Variants in RGS22 observed in about 807,000 individuals in gnomAD.
RGS22 encodes the protein regulator of G-protein signaling 22.
A neutral mutation model predicts 172.9 loss-of-function variants in RGS22; 148 were observed. The ratio of observed to expected loss-of-function variants is 0.86; its 90% CI spans 0.75 to 0.98. The LOEUF is 0.98. RGS22 is among the 50% of genes least tolerant of loss of function. The probability of loss-of-function intolerance (pLI) is 0.00; values close to 1 mark genes in which losing one functional copy is unlikely to be tolerated. For missense variants in RGS22, 1,347 were observed against 1,440.8 expected (o/e 0.93, Z 1.05); for synonymous variants, 458 against 480.2 (o/e 0.95, Z 0.60).
At chr8:99,988,262 T>A (rs1221156219) in intron 20 of RGS22, among the ~76,000 whole-genome samples, 1 of 151,884 alleles carries the variant, frequency 6.6e-6, no homozygotes, top group Non-Finnish European at 1.5e-5. Context: ...TGACTGATGG[T>A]TTACTTTACA....
At position 100,066,054 on chromosome 8, in the gene RGS22, G is replaced by A. The variant is rs769295984; in HGVS notation, c.724+113C>T. ...CATAGGAAGTCGAGTGAGGCAAAGC[G>A]TATGTGGATAATTTTTTCTCCCCAA... On this transcript the variant is annotated intron_variant, in intron 7 of 27. Coordinates refer to ENST00000360863, the MANE Select transcript of RGS22 (RefSeq NM_015668.5). 614 of 892,318 alleles carry A rather than the reference G, an allele frequency of 6.9e-4. 3 individuals are homozygous for A. The highest frequency in any genetic ancestry group is 9.2e-4 in the Non-Finnish European group (561 of 612,634). 55.3% of individuals were successfully genotyped at this position (892,318 alleles called of 1,614,324 possible). A position where few individuals can be genotyped will look rare whatever the true frequency, so the allele number is the denominator to read the frequency against.
chr8:100,064,176 A>G, intron 7 of RGS22, 133 bp from the exon 8 acceptor site: 2 of 646,300 alleles, frequency 3.1e-6, no homozygotes, highest in Non-Finnish European at 4.7e-6. Flanking sequence ...GTGTCTTAAG[A>G]AGGATTCTGG....
intron 16 of RGS22, chr8:100,004,639 C>G (rs949283349): frequency 2.6e-5 from 4 of 152,328 alleles, no homozygotes; most frequent in African/African-American, 7.3e-5. Flanking sequence ...TTTACAATGT[C>G]TGATGTAGTT....
intron 20 of RGS22, among the ~76,000 whole-genome samples, chr8:99,990,906 C>T (rs2100791): frequency 0.32 from 48,500 of 152,048 alleles, 8,860 homozygotes; most frequent in Non-Finnish European, 0.42. Context: ...ACGAAGCTTC[C>T]AGAGGAAGGA....
rs1412194217 is a variant in RGS22, at chr8:99,962,785, A to G, written c.3710-18T>C. On this transcript the variant is annotated intron_variant, in intron 25 of 27. Coordinates refer to ENST00000360863, the MANE Select transcript of RGS22 (RefSeq NM_015668.5). ...TTGCAAGCCTGCACAAAAATAAAAG[A>G]GATAAGAAAAACAGTAAAGTAAATA... 1.3e-6 allele frequency: 2 copies of G among 1,591,890 alleles called. No individual in the cohort carries two copies. The highest frequency in any genetic ancestry group is 1.7e-6 in the Non-Finnish European group (2 of 1,171,882).
Position 99,962,419 on chromosome 8 carries a change from AAACATTC to A in RGS22, c.*13_*19del, listed in dbSNP as rs991721567. The A allele has an allele frequency of 2.0e-5, 32 of 1,613,318 alleles. No individual in the cohort carries two copies. The Admixed American group carries it at 2.0e-4, about 10-fold the overall frequency. ...CTTGAACCTATCAGCAGCAGGATGTAAACATTCACAAGAATGCTGTCACTCTGGAAAA... is the reference window on the plus strand; with the variant it reads ...CTTGAACCTATCAGCAGCAGGATGTAACAAGAATGCTGTCACTCTGGAAAA... On this transcript the variant is annotated 3_prime_UTR_variant, in exon 27 of 28. Coordinates refer to ENST00000360863, the MANE Select transcript of RGS22 (RefSeq NM_015668.5).
intron 6 of RGS22, among the ~76,000 whole-genome samples, chr8:100,070,325 G>A (rs1169924591): frequency 6.6e-6 from 1 of 152,016 alleles, no homozygotes; most frequent in Non-Finnish European, 1.5e-5. Context: ...ATGTTAAATA[G>A]AAAAAATTGA....
At chr8:100,013,120 G>T (rs1368423351) in intron 14 of RGS22, among the ~76,000 whole-genome samples, 1 of 151,778 alleles carries the variant, frequency 6.6e-6, no homozygotes. Flanking sequence ...CTCCCGAGTA[G>T]CTGGGACTAC....
At chr8:100,011,051 G>A (rs1482301197) in intron 14 of RGS22, among the ~76,000 whole-genome samples, 3 of 151,850 alleles carry the variant, frequency 2.0e-5, no homozygotes, top group African/African-American at 7.3e-5. Flanking sequence ...CAAAACACAG[G>A]TCAATGCATG....
At chr8:100,046,495 C>T (rs1435605613) in intron 11 of RGS22, 1 of 149,534 alleles carries the variant, frequency 6.7e-6, no homozygotes, top group Non-Finnish European at 1.5e-5. Context: ...AACGGTGTTG[C>T]AATTTAAAAA....
chr8:99,996,576 G>C (rs765372051), intron 19 of RGS22, 46 bp from the exon 20 acceptor site: 2 of 1,466,274 alleles, frequency 1.4e-6, no homozygotes, highest in East Asian at 2.3e-5. Flanking sequence ...CAGACTAAAG[G>C]CTTGAAATCA....
At chr8:99,967,886 G>C (rs960634571) in intron 23 of RGS22, among the ~76,000 whole-genome samples, 10 of 152,342 alleles carry the variant, frequency 6.6e-5, no homozygotes, top group African/African-American at 2.2e-4. Context: ...GCTCTGCTAA[G>C]GGACAGACTG....
At chr8:100,021,792 A>C (rs1449287736) in intron 14 of RGS22, among the ~76,000 whole-genome samples, 1 of 152,126 alleles carries the variant, frequency 6.6e-6, no homozygotes, top group East Asian at 1.9e-4. Context: ...AAAAAAAAAA[A>C]AAGAGTCCCC....
At chr8:100,013,898 T>C (rs1816679493) in intron 14 of RGS22, among the ~76,000 whole-genome samples, 1 of 152,158 alleles carries the variant, frequency 6.6e-6, no homozygotes, top group African/African-American at 2.4e-5. Flanking sequence ...TATCCTCAAG[T>C]TCCTACTAAA....
intron 17 of RGS22, 59 bp downstream of exon 17, chr8:100,003,867 T>C: frequency 1.4e-6 from 2 of 1,386,670 alleles, no homozygotes; most frequent in East Asian, 4.9e-5. Context: ...ATATGTTGAA[T>C]CAAAAATAGT....
chr8:99,969,891 A>C (rs1243482687), intron 23 of RGS22, among the ~76,000 whole-genome samples: 1 of 152,214 alleles, frequency 6.6e-6, no homozygotes. Context: ...CCTAATAGAC[A>C]TCTACAGAAC....
chr8:100,052,210 T>C (rs1821712786), intron 10 of RGS22, among the ~76,000 whole-genome samples: 1 of 129,102 alleles, frequency 7.7e-6, no homozygotes, highest in African/African-American at 3.2e-5. Flanking sequence ...TATAAACATA[T>C]ATAAATATAC....
chr8:100,097,833 C>G (rs970001464), intron 2 of RGS22, among the ~76,000 whole-genome samples: 1 of 152,214 alleles, frequency 6.6e-6, no homozygotes, highest in African/African-American at 2.4e-5. Flanking sequence ...CTTATCCACA[C>G]CACCCTATGG....
chr8:100,043,059 C>A (rs539117618), intron 11 of RGS22, among the ~76,000 whole-genome samples: 1 of 152,320 alleles, frequency 6.6e-6, no homozygotes, highest in Non-Finnish European at 1.5e-5. Flanking sequence ...CACAAAGATT[C>A]AGGCCCTAAT....
Sources: gnomAD v4.1 joint callset for allele counts (sites outside exome capture counted in the v4.1 genomes callset) on GRCh38, gnomAD v4.1.1 for gene constraint, MANE v1.5 for transcripts, NCBI Gene and HGNC (gene_info 2026-07-23, HGNC 2026-07-21) for gene names.